Variants in ARL6IP1 observed in about 807,000 individuals in gnomAD.
The protein encoded by ARL6IP1 is ADP-ribosylation factor-like protein 6-interacting protein 1.
ARL6IP1 carries 16 observed loss-of-function variants against 30.1 expected under a neutral mutation model. The observed-to-expected ratio is 0.53, with a 90% confidence interval of 0.36 to 0.81. ARL6IP1 has a LOEUF of 0.81. Ranked by LOEUF, ARL6IP1 falls within the 30% of genes least tolerant of loss-of-function variation. The pLI, the probability that ARL6IP1 is intolerant of heterozygous loss-of-function variation, is 0.01. For missense variants in ARL6IP1, 173 were observed against 242.7 expected (o/e 0.71, Z 1.91); for synonymous variants, 72 against 84.8 (o/e 0.85, Z 0.83).
intron 3 of ARL6IP1, 116 bp downstream of exon 3, chr16:18,797,809 T>C (rs2030286216): frequency 7.8e-7 from 1 of 1,274,866 alleles, no homozygotes; most frequent in South Asian, 1.6e-5. Context: ...ATAAATCTAA[T>C]GCTTAGGTGT....
chr16:18,795,409 G>A (rs370807552), intron 4 of ARL6IP1, 55 bp downstream of exon 4: 168 of 1,269,044 alleles, frequency 1.3e-4, no homozygotes, highest in East Asian at 7.5e-4. Flanking sequence ...ACAAAAAGGC[G>A]AATTGACTCA....
chr16:18,799,151 T>C (rs1018994908), intron 1 of ARL6IP1, among the ~76,000 whole-genome samples: 2 of 152,046 alleles, frequency 1.3e-5, no homozygotes, highest in Non-Finnish European at 2.9e-5. Context: ...TCCTGAGTAG[T>C]TGGGACTATA....
At chr16:18,801,344 G>A in intron 1 of ARL6IP1, 87 bp downstream of exon 1, 2 of 1,575,584 alleles carry the variant, frequency 1.3e-6, no homozygotes, top group Non-Finnish European at 1.7e-6. Flanking sequence ...GCCCGCGGCG[G>A]GTGACAGGGA....
chr16:18,795,798 T>G (rs563558852), intron 3 of ARL6IP1, among the ~76,000 whole-genome samples: 3 of 151,318 alleles, frequency 2.0e-5, no homozygotes, highest in African/African-American at 4.9e-5. Flanking sequence ...AGAGAGAGAG[T>G]GTGTGTGTGT....
chr16:18,799,010 T>C (rs935749415), intron 1 of ARL6IP1, among the ~76,000 whole-genome samples, 176 bp from the exon 2 acceptor site: 2 of 152,004 alleles, frequency 1.3e-5, no homozygotes, highest in African/African-American at 4.8e-5. Flanking sequence ...ATACAATGGG[T>C]TTTTTTGTTT....
Position 18,791,714 on chromosome 16 carries a change from G to A in ARL6IP1, c.*1538C>T, listed in dbSNP as rs1198657495. Reference sequence around the variant, plus strand: ...TTTTTCCCCTTTTACACAAAACAAAGTAGAAGAAATAATACAGGATTAAAA... The same window carrying A: ...TTTTTCCCCTTTTACACAAAACAAAATAGAAGAAATAATACAGGATTAAAA... On this transcript the variant is annotated 3_prime_UTR_variant, in exon 6 of 6. Coordinates refer to ENST00000304414, the MANE Select transcript of ARL6IP1 (RefSeq NM_015161.3). The A allele has an allele frequency of 6.6e-6, 1 of 152,106 alleles. No individual in the cohort carries two copies. The highest frequency in any genetic ancestry group is 1.5e-5 in the Non-Finnish European group (1 of 67,994). The allele number at this position is 152,106 out of a possible 1,614,324, so 9.4% of individuals were successfully genotyped here.
chr16:18,796,964 T>G (rs2030250335), intron 3 of ARL6IP1, among the ~76,000 whole-genome samples: 1 of 152,332 alleles, frequency 6.6e-6, no homozygotes, highest in African/African-American at 2.4e-5. Flanking sequence ...AGAAAATATC[T>G]ATTCCAACTT....
rs1596942931 is a variant in ARL6IP1 at position 18,793,163 on chromosome 16, C to A, written c.*89G>T. 1.2e-6 allele frequency: 1 copy of A among 825,974 alleles called. No homozygotes were observed. The allele number at this position is 825,974 out of a possible 1,614,324, so 51.2% of individuals were successfully genotyped here. A position where few individuals can be genotyped will look rare whatever the true frequency, so the allele number is the denominator to read the frequency against. On this transcript the variant is annotated 3_prime_UTR_variant, in exon 6 of 6. Transcript: ENST00000304414. ...AGTGAGGGAGAACAAAGAGCTACTT[C>A]CGTAACATTTTAGTATCCAGATAGT...
intron 1 of ARL6IP1, 118 bp from the exon 2 acceptor site, chr16:18,798,952 A>G (rs2030325274): frequency 3.6e-6 from 4 of 1,110,410 alleles, no homozygotes; most frequent in East Asian, 2.6e-5. Flanking sequence ...CCAAATTGCC[A>G]ATTTTAAACT....
intron 1 of ARL6IP1, chr16:18,801,221 C>T: frequency 7.0e-7 from 1 of 1,418,778 alleles, no homozygotes; most frequent in Non-Finnish European, 9.2e-7. Context: ...ATCACGCGCC[C>T]TCCTCGCCCC....
rs769280820 is a variant in ARL6IP1, at chr16:18,794,559, C to G, written c.493+40G>C. 9 of 1,496,380 alleles carry G rather than the reference C, an allele frequency of 6.0e-6. No homozygotes were observed. The Admixed American group carries it at 1.4e-4, about 23-fold the overall frequency. The allele number at this position is 1,496,380 out of a possible 1,614,324, so 92.7% of individuals were successfully genotyped here. On this transcript the variant is annotated intron_variant, in intron 5 of 5. Coordinates refer to ENST00000304414, the MANE Select transcript of ARL6IP1 (RefSeq NM_015161.3). Reference sequence around the variant, plus strand: ...CTGACGAAGTTACAGTTAAATTTCACTGGCCAGGATGTGCCTGTAGTTTTT... The same window carrying G: ...CTGACGAAGTTACAGTTAAATTTCAGTGGCCAGGATGTGCCTGTAGTTTTT...
In ARL6IP1 at chr16:18,794,685, T is replaced by C. The variant is rs767874638; in HGVS notation, c.409-2A>G. 7 of 1,609,492 alleles carry C rather than the reference T, an allele frequency of 4.3e-6. No homozygotes were observed. The highest frequency in any genetic ancestry group is 5.9e-6 in the Non-Finnish European group (7 of 1,177,426). ...GGAAACGATCATGGTCATGAAGTAC[T>C]AGCAATGAAAACAAGAATTTAATAT... is the stretch of plus-strand genomic sequence containing the variant. On this transcript the variant is annotated splice_acceptor_variant, in intron 4 of 5. Coordinates refer to ENST00000304414, the MANE Select transcript of ARL6IP1 (RefSeq NM_015161.3). LOFTEE classifies it high-confidence loss of function.
rs746477159 is a variant in ARL6IP1, at chr16:18,797,991, A to G, written c.224T>C (p.Met75Thr). ...AAGGTAGTCAGCCAAGCACAAAAAC[A>G]TAACAAAACAGGAAACGCCGGACAG... ...SVLSGVSCFV[M>T]FLCLADYLVP... is the part of the protein sequence containing the mutation. The change falls in exon 3 of 6, where the codon ATG becomes ACG. Residue 75 changes from methionine (M) to threonine (T), a missense_variant. Physicochemically the swap from Met to Thr is moderately conservative, Grantham distance 81 (BLOSUM62 -1). Transcript: ENST00000304414. The G allele has an allele frequency of 8.7e-6, 14 of 1,613,916 alleles. No individual in the cohort carries two copies. The highest frequency in any genetic ancestry group is 2.2e-5 in the South Asian group (2 of 91,074).
intron 3 of ARL6IP1, among the ~76,000 whole-genome samples, chr16:18,796,361 A>G (rs2030231290): frequency 6.6e-6 from 1 of 152,228 alleles, no homozygotes. Context: ...GATAAAGTAC[A>G]AGGATTTCTG....
intron 1 of ARL6IP1, chr16:18,801,069 G>T: frequency 1.4e-6 from 1 of 715,416 alleles, no homozygotes; most frequent in Non-Finnish European, 1.8e-6. Context: ...TCAAAGACGG[G>T]GAAAGCCGAA....
chr16:18,801,265 G>C, intron 1 of ARL6IP1, 166 bp downstream of exon 1: 1 of 1,443,980 alleles, frequency 6.9e-7, no homozygotes, highest in Non-Finnish European at 9.1e-7. Flanking sequence ...GTAAGGGTTC[G>C]ACACCCAGGA....
intron 2 of ARL6IP1, chr16:18,798,456 G>GT: frequency 2.3e-6 from 1 of 434,342 alleles, no homozygotes; most frequent in Non-Finnish European, 4.0e-6. Context: ...CAAAAAAAGA[G>GT]TTTAAGTGTC....
rs1264921923 is a variant in ARL6IP1, at chr16:18,795,452, C to T, written c.408+12G>A. On this transcript the variant is annotated intron_variant, in intron 4 of 5. Transcript: ENST00000304414. The stretch of plus-strand genomic sequence containing the variant: ...AAATTTTACTGTACTTAAGTCAAAG[C>T]AAAAAAAGTACCATCTTAGGTTTTT... 4.4e-6 allele frequency: 7 copies of T among 1,597,594 alleles called. No individual in the cohort carries two copies. Among genetic ancestry groups the T allele is most frequent in the Admixed American group, 1.7e-5 (1 of 58,760 alleles).
chr16:18,801,372 A>G, intron 1 of ARL6IP1, 59 bp downstream of exon 1: 1 of 1,601,770 alleles, frequency 6.2e-7, no homozygotes, highest in Non-Finnish European at 8.5e-7. Context: ...GCGGTGTTTG[A>G]GCCCACGGAC....
Sources: gnomAD v4.1 joint callset for allele counts (sites outside exome capture counted in the v4.1 genomes callset) on GRCh38, gnomAD v4.1.1 for gene constraint, MANE v1.5 for transcripts, NCBI Gene and HGNC (gene_info 2026-07-23, HGNC 2026-07-21) for gene names.